The following FBXO47 variants were observed in gnomAD, a reference collection of about 807,000 sequenced individuals.
FBXO47 encodes the protein F-box only protein 47.
In FBXO47, 34 loss-of-function variants were observed where a neutral mutation model predicts 53.9. The ratio of observed to expected loss-of-function variants is 0.63; its 90% confidence interval spans 0.48 to 0.84. The LOEUF is 0.84. FBXO47 is among the 40% of genes least tolerant of loss of function. FBXO47 has a pLI of 0.00. For missense variants in FBXO47, 485 were observed against 541.3 expected, an observed-to-expected ratio of 0.90 and a Z score of 1.03; for synonymous variants, 165 against 181.6, an observed-to-expected ratio of 0.91 and a Z score of 0.73.
intron 1 of FBXO47, 71 bp from the exon 2 acceptor site, chr17:38,963,122 TA>T (rs1555562585): frequency 6.1e-6 from 6 of 982,334 alleles, no homozygotes; most frequent in Admixed American, 4.7e-5. Context: ...TTTTTTTTTT[TA>T]AACGAAGAGG....
At chr17:38,939,859 G>C (rs1904430897) in intron 9 of FBXO47, among the ~76,000 whole-genome samples, 1 of 149,652 alleles carries the variant, frequency 6.7e-6, no homozygotes, top group African/African-American at 2.5e-5. Context: ...AGTAGAGACG[G>C]GGTTTCACCT....
At chr17:38,945,928 T>C (rs1470390533) in intron 6 of FBXO47, among the ~76,000 whole-genome samples, 1 of 110,898 alleles carries the variant, frequency 9.0e-6, no homozygotes, top group Non-Finnish European at 1.7e-5. Context: ...AGAGCGAGAC[T>C]CTGGCTCAAA....
intron 6 of FBXO47, among the ~76,000 whole-genome samples, chr17:38,947,192 C>T (rs1448007200): frequency 6.7e-6 from 1 of 149,918 alleles, no homozygotes; most frequent in Non-Finnish European, 1.5e-5. Flanking sequence ...CCCAGCTACT[C>T]AGGAGGCTGA....
intron 6 of FBXO47, among the ~76,000 whole-genome samples, chr17:38,950,716 G>A (rs2143932445): frequency 6.6e-6 from 1 of 152,198 alleles, no homozygotes; most frequent in African/African-American, 2.4e-5. Flanking sequence ...GGTATATAGA[G>A]AGGTTTACAG....
intron 8 of FBXO47, 45 bp downstream of exon 8, chr17:38,943,545 A>C (rs1391430589): frequency 7.9e-7 from 1 of 1,262,622 alleles, no homozygotes; most frequent in African/African-American, 1.6e-5. Context: ...ACTGCATTTT[A>C]ACAATAAATT....
intron 6 of FBXO47, among the ~76,000 whole-genome samples, chr17:38,950,263 A>C (rs1278016917): frequency 2.0e-5 from 3 of 152,054 alleles, no homozygotes; most frequent in African/African-American, 7.2e-5. Flanking sequence ...TGTAAGTAGA[A>C]TCATGTAATA....
chr17:38,939,323 AATATAT>A (rs1555559725), intron 9 of FBXO47, among the ~76,000 whole-genome samples: 3 of 50,178 alleles, frequency 6.0e-5, no homozygotes, highest in South Asian at 8.2e-4. Flanking sequence ...AAAAAAAAAA[AATATAT>A]ATATATATAT....
intron 6 of FBXO47, among the ~76,000 whole-genome samples, chr17:38,950,885 A>T (rs1465684599): frequency 6.6e-6 from 1 of 151,850 alleles, no homozygotes; most frequent in Non-Finnish European, 1.5e-5. Flanking sequence ...CTTTTACTGT[A>T]GATGTGTGCC....
At chr17:38,951,755 G>GCGTGAGCCAC in intron 5 of FBXO47, 66 bp from the exon 6 acceptor site, 1 of 1,241,428 alleles carries the variant, frequency 8.1e-7, no homozygotes, top group Non-Finnish European at 1.2e-6. Context: ...GTCACACCAG[G>GCGTGAGCCAC]CATGGTGGCT....
intron 5 of FBXO47, among the ~76,000 whole-genome samples, chr17:38,953,966 C>G (rs1598145893): frequency 6.6e-6 from 1 of 152,056 alleles, no homozygotes; most frequent in East Asian, 1.9e-4. Context: ...GGGTGCAGTG[C>G]CTGCCTCACA....
chr17:38,938,694 A>C lies in FBXO47; in HGVS notation c.1122T>G (p.Val374=). Residue 374 remains valine, a synonymous_variant, in exon 10 of 11, where the codon GTT becomes GTG. Coordinates refer to ENST00000378079, the MANE Select transcript of FBXO47 (RefSeq NM_001008777.3). ...CTTTGCAGACTTTTTGCATCATTTT[A>C]ACTGTCCAATCCATGCAGTACAGTT... ...EKELYCMDWT[V]KMMQKVCKVF... The C allele has an allele frequency of 1.2e-6, 2 of 1,613,234 alleles. No individual in the cohort carries two copies. The highest frequency in any genetic ancestry group is 1.7e-6 in the Non-Finnish European group (2 of 1,179,384).
At chr17:38,966,236 C>T (rs776331878) in intron 1 of FBXO47, among the ~76,000 whole-genome samples, 5 of 152,040 alleles carry the variant, frequency 3.3e-5, no homozygotes, top group Admixed American at 6.6e-5. Flanking sequence ...GAGTTTCGCA[C>T]AGTCTCCTGG....
chr17:38,956,591 C>CAAAA (rs1158036745), intron 4 of FBXO47, among the ~76,000 whole-genome samples: 1 of 55,932 alleles, frequency 1.8e-5, no homozygotes, highest in African/African-American at 5.6e-5. Flanking sequence ...TCTGTCTCAA[C>CAAAA]AAAAAAAAAA....
intron 1 of FBXO47, among the ~76,000 whole-genome samples, chr17:38,965,490 C>T (rs149034513): frequency 6.6e-6 from 1 of 152,166 alleles, no homozygotes; most frequent in Non-Finnish European, 1.5e-5. Flanking sequence ...GAAAAGTACA[C>T]TCTGAACCTC....
In FBXO47 at chr17:38,938,813, A is replaced by C. The variant is rs1904366800; in HGVS notation, c.1084-81T>G. The C allele has an allele frequency of 4.4e-6, 5 of 1,146,928 alleles. No homozygotes were observed. The Admixed American group carries it at 6.7e-5, about 15-fold the overall frequency. The allele number at this position is 1,146,928 out of a possible 1,614,324, so 71.0% of individuals were successfully genotyped here. A position where few individuals can be genotyped will look rare whatever the true frequency, so the allele number is the denominator to read the frequency against. ...TGAAAATGGTGAACAATGATGAATA[A>C]TTATAGTTTGTGATTTTACATAATT... On this transcript the variant is annotated intron_variant, in intron 9 of 10. Coordinates refer to ENST00000378079, the MANE Select transcript of FBXO47 (RefSeq NM_001008777.3).
rs761956756 is a variant in FBXO47, at chr17:38,954,842, TAAAA to T, written c.507+10_507+13del. On this transcript the variant is annotated intron_variant, in intron 5 of 10. Coordinates refer to ENST00000378079, the MANE Select transcript of FBXO47 (RefSeq NM_001008777.3). ...AAAGGTATCCCTTTTCTTCTCTGAT[TAAAA>T]AAAATGTACCTGTAAAAACATGCCA... 6.5e-7 allele frequency: 1 copy of T among 1,547,636 alleles called. No homozygotes were observed. Among genetic ancestry groups the T allele is most frequent in the Admixed American group, 1.8e-5 (1 of 56,670 alleles).
At chr17:38,952,001 T>C (rs1905316990) in intron 5 of FBXO47, among the ~76,000 whole-genome samples, 1 of 151,914 alleles carries the variant, frequency 6.6e-6, no homozygotes, top group African/African-American at 2.4e-5. Context: ...CACTCCAGCC[T>C]GGGCGACAAG....
intron 3 of FBXO47, 96 bp downstream of exon 3, chr17:38,961,781 T>C (rs1905824146): frequency 9.5e-7 from 1 of 1,053,620 alleles, no homozygotes. Flanking sequence ...TTTTGGAATA[T>C]ATTCCATTTC....
intron 1 of FBXO47, among the ~76,000 whole-genome samples, chr17:38,963,421 C>A (rs1489711698): frequency 6.6e-6 from 1 of 152,126 alleles, no homozygotes; most frequent in Non-Finnish European, 1.5e-5. Flanking sequence ...AGGTGATCTG[C>A]CCTCCTCAGC....
Sources: gnomAD v4.1 joint callset for allele counts (sites outside exome capture counted in the v4.1 genomes callset) on GRCh38, gnomAD v4.1.1 for gene constraint, MANE v1.5 for transcripts, NCBI Gene and HGNC (gene_info 2026-07-23, HGNC 2026-07-21) for gene names.